The following LIN7B variants were observed in gnomAD, a reference collection of about 807,000 sequenced individuals.
The protein encoded by LIN7B is lin-7 cell polarity scaffold B, also known as protein lin-7 homolog B.
LIN7B carries 16 observed loss-of-function variants against 27.9 expected under a neutral mutation model. The observed-to-expected ratio is 0.57, with a 90% CI of 0.39 to 0.87. The LOEUF (loss-of-function observed/expected upper bound fraction) is 0.87, where lower values mean the gene tolerates loss of function less well. LIN7B is among the 40% of genes least tolerant of loss of function. The probability of loss-of-function intolerance (pLI) is 0.00; values close to 1 mark genes in which losing one functional copy is unlikely to be tolerated. For synonymous variants in LIN7B, 147 were observed against 120.8 expected (o/e 1.22, Z -1.42); for missense variants, 291 against 288.5 (o/e 1.01, Z -0.06).
Position 49,118,416 on chromosome 19 carries a change from G to T in LIN7B, c.*43G>T, listed in dbSNP as rs1385746889. 4 of 1,608,304 alleles carry T rather than the reference G, an allele frequency of 2.5e-6. No homozygotes were observed. Among genetic ancestry groups the T allele is most frequent in the Non-Finnish European group, 2.6e-6 (3 of 1,174,822 alleles). ...TTCACGTGCACTCTCTTCCTGTACA[G>T]TATTTATTGTTCCTGGCACTTTATT... On this transcript the variant is annotated 3_prime_UTR_variant, in exon 6 of 6. Transcript: ENST00000221459.
At chr19:49,116,016 A>T (rs2040819667) in intron 3 of LIN7B, 2 of 424,898 alleles carry the variant, frequency 4.7e-6, no homozygotes. Context: ...TCTCAAAAAA[A>T]AAAAAAAAGT....
chr19:49,114,378 C>A lies in LIN7B; in HGVS notation c.-27C>A, dbSNP rs2122446318. The A allele has an allele frequency of 8.4e-7, 1 of 1,190,258 alleles. No individual in the cohort carries two copies. Among genetic ancestry groups the A allele is most frequent in the Non-Finnish European group, 1.0e-6 (1 of 961,094 alleles). The allele number at this position is 1,190,258 out of a possible 1,614,324, so 73.7% of individuals were successfully genotyped here. A position where few individuals can be genotyped will look rare whatever the true frequency, so the allele number is the denominator to read the frequency against. On this transcript the variant is annotated 5_prime_UTR_variant, in exon 1 of 6. Coordinates refer to ENST00000221459, the MANE Select transcript of LIN7B (RefSeq NM_022165.3). The stretch of plus-strand genomic sequence containing the variant: ...CCCTCCTCGCCGGCGCCAGGGCAGG[C>A]GGGCGGCTGGCAGCTGTGGCGCCGA...
At chr19:49,114,696 C>G (rs991170479) in intron 1 of LIN7B, 153 bp from the exon 2 acceptor site, 4 of 456,728 alleles carry the variant, frequency 8.8e-6, no homozygotes, top group African/African-American at 8.1e-5. Flanking sequence ...GGCAGTCTCT[C>G]CTGCGCCACC....
rs1037634280 is a variant in LIN7B, at chr19:49,118,458, T to C, written c.*85T>C. The C allele has an allele frequency of 2.5e-6, 4 of 1,576,316 alleles. No homozygotes were observed. The South Asian group carries it at 4.4e-5, about 17-fold the overall frequency. On this transcript the variant is annotated 3_prime_UTR_variant, in exon 6 of 6. Transcript: ENST00000221459. ...CACTTTATTTAAAGATATTTGACCC[T>C]CACTGAGTGTCTGTGTGTCTGTCCT... is the stretch of plus-strand genomic sequence containing the variant.
Position 49,115,270 on chromosome 19 carries a change from A to G in LIN7B, c.167A>G (p.Gln56Arg). 1 of 1,558,038 alleles carries G rather than the reference A, an allele frequency of 6.4e-7. No homozygotes were observed. The highest frequency in any genetic ancestry group is 1.9e-5 in the Admixed American group (1 of 51,958). ...TGCCTCCTCACCCAGGTGTATGAGCAGCTTTATGACACGCTGGACATCACC... is the reference window on the plus strand; with the variant it reads ...TGCCTCCTCACCCAGGTGTATGAGCGGCTTTATGACACGCTGGACATCACC... ...FCSAIREVYE[Q>R]LYDTLDITGS... The change falls in exon 3 of 6, where the codon CAG becomes CGG. Residue 56 changes from glutamine to arginine, a missense_variant. Gln to Arg is a conservative substitution (Grantham distance 43, BLOSUM62 1). Transcript: ENST00000221459.
chr19:49,115,005 C>T (rs762686050), intron 2 of LIN7B, 38 bp downstream of exon 2: 3 of 1,276,686 alleles, frequency 2.3e-6, no homozygotes, highest in Middle Eastern at 2.0e-4. Context: ...AGCTGGTGGC[C>T]GTCGTCCTCC....
chr19:49,116,722 T>C (rs2040832036), intron 4 of LIN7B, among the ~76,000 whole-genome samples: 1 of 152,162 alleles, frequency 6.6e-6, no homozygotes, highest in Non-Finnish European at 1.5e-5. Flanking sequence ...GTGCAAAGTA[T>C]TGTGACAGCC....
intron 4 of LIN7B, among the ~76,000 whole-genome samples, chr19:49,117,260 A>C (rs913756338): frequency 6.8e-6 from 1 of 146,164 alleles, no homozygotes; most frequent in Non-Finnish European, 1.5e-5. Flanking sequence ...AAAAAAAAAA[A>C]AAACAAAACT....
At position 49,118,434 on chromosome 19, in the gene LIN7B, A is replaced by C; in HGVS notation, c.*61A>C. On this transcript the variant is annotated 3_prime_UTR_variant, in exon 6 of 6. Transcript: ENST00000221459. ...CTGTACAGTATTTATTGTTCCTGGCACTTTATTTAAAGATATTTGACCCTC... is the reference window on the plus strand; with the variant it reads ...CTGTACAGTATTTATTGTTCCTGGCCCTTTATTTAAAGATATTTGACCCTC... The C allele has an allele frequency of 1.1e-5, 17 of 1,599,506 alleles. No homozygotes were observed. The highest frequency in any genetic ancestry group is 1.5e-5 in the Non-Finnish European group (17 of 1,166,802).
rs373681330 is a variant in LIN7B at position 49,116,798 on chromosome 19, G to A, written c.438+326G>A. Among the ~76,000 whole-genome samples the A allele has an allele frequency of 4.7e-4, 71 of 152,352 alleles. 1 individual carries two copies. The highest frequency in any genetic ancestry group is 1.1e-3 in the Admixed American group (17 of 15,294). ...GCAGAGTAAGGAACATTTGGGTTGG[G>A]TGTTAAAGGATGAGTAGGAGTTCTC... On this transcript the variant is annotated intron_variant, in intron 4 of 5. Coordinates refer to ENST00000221459, the MANE Select transcript of LIN7B (RefSeq NM_022165.3).
chr19:49,115,296 G>C lies in LIN7B; in HGVS notation c.193G>C (p.Gly65Arg), dbSNP rs1391168611. 1.9e-6 allele frequency: 3 copies of C among 1,568,432 alleles called. No homozygotes were observed. Among genetic ancestry groups the C allele is most frequent in the African/African-American group, 1.4e-5 (1 of 73,826 alleles). ...EQLYDTLDIT[G>R]SAEIRAHATA... Reference sequence around the variant, plus strand: ...GCTTTATGACACGCTGGACATCACCGGCAGCGCCGAGATCCGAGCCCATGC... The same window carrying C: ...GCTTTATGACACGCTGGACATCACCCGCAGCGCCGAGATCCGAGCCCATGC... Residue 65 changes from glycine (G) to arginine (R), a missense_variant, in exon 3 of 6, where the codon GGC becomes CGC. Physicochemically the swap from Gly to Arg is moderately radical, Grantham distance 125. Transcript: ENST00000221459.
rs1175052120 is a variant in LIN7B, at chr19:49,116,265, C to T, written c.231C>T (p.Ala77=). The T allele has an allele frequency of 6.2e-7, 1 of 1,612,712 alleles. No homozygotes were observed. Among genetic ancestry groups the T allele is most frequent in the Non-Finnish European group, 8.5e-7 (1 of 1,179,256 alleles). ...AEIRAHATAK[A]TVAAFTASEG... ...TTCAGTCGCTTTCTCTCTCCCAGGC[C>T]ACAGTGGCTGCCTTCACAGCCAGCG... The change falls in exon 4 of 6, where the codon GCC becomes GCT. Residue 77 remains alanine, a splice_region_variant and synonymous_variant. Coordinates refer to ENST00000221459, the MANE Select transcript of LIN7B (RefSeq NM_022165.3).
intron 3 of LIN7B, chr19:49,116,062 C>CA: frequency 7.2e-6 from 4 of 558,840 alleles, no homozygotes; most frequent in Non-Finnish European, 1.3e-5. Flanking sequence ...AGACACACAC[C>CA]AAATGGACAC....
intron 1 of LIN7B, 101 bp downstream of exon 1, chr19:49,114,542 C>T (rs1261743787): frequency 1.0e-6 from 1 of 953,618 alleles, no homozygotes; most frequent in African/African-American, 1.7e-5. Flanking sequence ...GGTGGGCCAG[C>T]GGACCCGGAG....
At chr19:49,116,122 C>T (rs954606490) in intron 3 of LIN7B, 141 bp from the exon 4 acceptor site, 1 of 640,518 alleles carries the variant, frequency 1.6e-6, no homozygotes, top group Non-Finnish European at 2.7e-6. Context: ...ACAGGGGGAT[C>T]GTGCATTGTG....
chr19:49,116,029 G>C, intron 3 of LIN7B: 1 of 435,908 alleles, frequency 2.3e-6, no homozygotes. Flanking sequence ...AAAAAAGTAA[G>C]ATTGGCAAGT....
intron 4 of LIN7B, among the ~76,000 whole-genome samples, chr19:49,117,367 C>A (rs1039761746): frequency 7.9e-5 from 12 of 151,942 alleles, no homozygotes; most frequent in African/African-American, 2.9e-4. Flanking sequence ...GACTTTGTCC[C>A]ATGGGTGCTG....
chr19:49,114,378 C>T lies in LIN7B; in HGVS notation c.-27C>T. 4.2e-6 allele frequency: 5 copies of T among 1,190,256 alleles called. No homozygotes were observed. Among genetic ancestry groups the T allele is most frequent in the Non-Finnish European group, 5.2e-6 (5 of 961,092 alleles). The allele number at this position is 1,190,256 out of a possible 1,614,324, so 73.7% of individuals were successfully genotyped here. On this transcript the variant is annotated 5_prime_UTR_variant, in exon 1 of 6. Transcript: ENST00000221459. ...CCCTCCTCGCCGGCGCCAGGGCAGGCGGGCGGCTGGCAGCTGTGGCGCCGA... is the reference window on the plus strand; with the variant it reads ...CCCTCCTCGCCGGCGCCAGGGCAGGTGGGCGGCTGGCAGCTGTGGCGCCGA...
chr19:49,116,621 C>T (rs2040830557), intron 4 of LIN7B, 149 bp downstream of exon 4: 1 of 736,920 alleles, frequency 1.4e-6, no homozygotes, highest in Non-Finnish European at 2.2e-6. Flanking sequence ...GAGATGTTGG[C>T]CTCAGCTCCC....
Sources: gnomAD v4.1 joint callset for allele counts (sites outside exome capture counted in the v4.1 genomes callset) on GRCh38, gnomAD v4.1.1 for gene constraint, MANE v1.5 for transcripts, NCBI Gene and HGNC (gene_info 2026-07-23, HGNC 2026-07-21) for gene names.